Variants in LNPK observed in about 807,000 individuals in gnomAD.
LNPK encodes the protein endoplasmic reticulum junction formation protein lunapark.
A neutral mutation model predicts 55.2 loss-of-function variants in LNPK; 29 were observed. The observed-to-expected ratio is 0.53, with a 90% CI of 0.39 to 0.72. LNPK has a LOEUF of 0.72. LNPK is among the 30% of genes least tolerant of loss of function. The pLI, the probability that LNPK is intolerant of heterozygous loss-of-function variation, is 0.00. For synonymous variants in LNPK, 162 were observed against 168.2 expected (o/e 0.96, Z 0.29); for missense variants, 467 against 494.8 (o/e 0.94, Z 0.53).
In LNPK at chr2:175,951,584, C is replaced by CATATATATATATATATATATATATATAT. The variant is rs56037027; in HGVS notation, c.494-3893_494-3892insATATATATATATATATATATATATATAT. On this transcript the variant is annotated intron_variant, in intron 8 of 12. Transcript: ENST00000272748. ...TATGGCTGAGTAGTATTCCATCATT[C>CATATATATATATATATATATATATATAT]ATATATATATATATATATATATATA... Among the ~76,000 whole-genome samples, 228 of 90,420 alleles carry CATATATATATATATATATATATATATAT rather than the reference C, an allele frequency of 2.5e-3. 1 individual carries two copies. The highest frequency in any genetic ancestry group is 5.5e-3 in the South Asian group (19 of 3,450). The allele number at this position is 90,420 out of a possible 152,430, so 59.3% of individuals were successfully genotyped here.
chr2:175,991,420 TACATAC>T (rs1687695894), intron 4 of LNPK, among the ~76,000 whole-genome samples: 1 of 152,212 alleles, frequency 6.6e-6, no homozygotes, highest in African/African-American at 2.4e-5. Context: ...CTCTTGTAGC[TACATAC>T]GAACTTATAA....
At chr2:175,939,738 T>C (rs1684726920) in intron 9 of LNPK, 81 bp from the exon 10 acceptor site, 4 of 616,952 alleles carry the variant, frequency 6.5e-6, no homozygotes, top group Non-Finnish European at 1.1e-5. Context: ...GAACTACCTA[T>C]ACTTGTTAGA....
chr2:175,953,044 G>GC (rs1685499091), intron 8 of LNPK, among the ~76,000 whole-genome samples: 1 of 152,108 alleles, frequency 6.6e-6, no homozygotes, highest in Admixed American at 6.6e-5. Flanking sequence ...AAGAGATGGA[G>GC]CCAGGATTCA....
Position 176,002,225 on chromosome 2 carries a change from G to C in LNPK, c.-128C>G, listed in dbSNP as rs748482806. 4 of 451,970 alleles carry C rather than the reference G, an allele frequency of 8.9e-6. No individual in the cohort carries two copies. Among genetic ancestry groups the C allele is most frequent in the Non-Finnish European group, 1.8e-5 (4 of 225,814 alleles). 28.0% of individuals were successfully genotyped at this position (451,970 alleles called of 1,614,324 possible). A position where few individuals can be genotyped will look rare whatever the true frequency, so the allele number is the denominator to read the frequency against. The stretch of plus-strand genomic sequence containing the variant: ...CGCCAGTCTCGGCCGCCACCGCCCA[G>C]CCTGCCTCCAGAGCAGGCAGCAGCC... On this transcript the variant is annotated 5_prime_UTR_variant, in exon 1 of 13. Coordinates refer to ENST00000272748, the MANE Select transcript of LNPK (RefSeq NM_030650.3).
At chr2:175,933,953 G>A (rs955678885) in intron 12 of LNPK, among the ~76,000 whole-genome samples, 14 of 152,002 alleles carry the variant, frequency 9.2e-5, no homozygotes, top group African/African-American at 7.2e-5. Flanking sequence ...GGCTGGTCTC[G>A]AACTGACCTT....
rs1189944551 is a variant in LNPK at position 175,923,985 on chromosome 2, TTTAC to T, written c.*5978_*5981del. On this transcript the variant is annotated 3_prime_UTR_variant, in exon 13 of 13. Transcript: ENST00000272748. ...TGTCTACATTCAGAGCCTGAATATA[TTTAC>T]TTATTGACCAGTAGAATGCATACAC... 1.3e-5 allele frequency: 2 copies of T among 152,212 alleles called. No individual in the cohort carries two copies. Among genetic ancestry groups the T allele is most frequent in the African/African-American group, 4.8e-5 (2 of 41,466 alleles). 9.4% of individuals were successfully genotyped at this position (152,212 alleles called of 1,614,324 possible). A position where few individuals can be genotyped will look rare whatever the true frequency, so the allele number is the denominator to read the frequency against.
intron 8 of LNPK, among the ~76,000 whole-genome samples, chr2:175,961,068 C>G (rs896553888): frequency 6.6e-6 from 1 of 151,618 alleles, no homozygotes; most frequent in Non-Finnish European, 1.5e-5. Context: ...GCAATAATAG[C>G]CTACCAACCA....
chr2:175,929,101 A>G lies in LNPK; in HGVS notation c.*866T>C. ...CAAGATACTGTTTGAAGAAGACTAGATATTTAGCAAAATGAAACTGATGCC... is the reference window on the plus strand; with the variant it reads ...CAAGATACTGTTTGAAGAAGACTAGGTATTTAGCAAAATGAAACTGATGCC... On this transcript the variant is annotated 3_prime_UTR_variant, in exon 13 of 13. Transcript: ENST00000272748. 1.0e-6 allele frequency: 1 copy of G among 985,402 alleles called. No homozygotes were observed. 61.0% of individuals were successfully genotyped at this position (985,402 alleles called of 1,614,324 possible). A position where few individuals can be genotyped will look rare whatever the true frequency, so the allele number is the denominator to read the frequency against.
At chr2:175,935,070 A>G (rs1232713049) in intron 12 of LNPK, among the ~76,000 whole-genome samples, 1 of 151,964 alleles carries the variant, frequency 6.6e-6, no homozygotes, top group South Asian at 2.1e-4. Context: ...TCCTTACATC[A>G]CAGATTGAAA....
At chr2:176,002,398 G>C, upstream of LNPK, 1 of 355,366 alleles carries the variant, frequency 2.8e-6, no homozygotes, top group South Asian at 2.1e-5. Flanking sequence ...CGGGTCGGCC[G>C]GGAGGTTAGG....
chr2:175,983,718 C>CA (rs1319016934), intron 4 of LNPK, among the ~76,000 whole-genome samples: 4 of 150,820 alleles, frequency 2.7e-5, no homozygotes, highest in African/African-American at 9.8e-5. Flanking sequence ...CAAATGCAAA[C>CA]AAAACAAGGG....
intron 8 of LNPK, among the ~76,000 whole-genome samples, chr2:175,951,760 A>T (rs1332522975): frequency 1.3e-5 from 2 of 151,656 alleles, no homozygotes; most frequent in African/African-American, 4.8e-5. Context: ...CCATAGTGGG[A>T]TTGCTGGATC....
intron 6 of LNPK, among the ~76,000 whole-genome samples, chr2:175,969,099 CA>C (rs1323213298): frequency 6.6e-6 from 1 of 151,162 alleles, no homozygotes; most frequent in Non-Finnish European, 1.5e-5. Flanking sequence ...GTCAAGATCA[CA>C]AACTAGTTCG....
intron 1 of LNPK, among the ~76,000 whole-genome samples, chr2:175,998,967 A>T (rs1368446049): frequency 6.6e-6 from 1 of 152,202 alleles, no homozygotes; most frequent in Non-Finnish European, 1.5e-5. Flanking sequence ...AACAATCTAC[A>T]TCTTAGCCTC....
chr2:175,932,824 C>T (rs1031704797), intron 12 of LNPK, among the ~76,000 whole-genome samples: 2 of 152,072 alleles, frequency 1.3e-5, no homozygotes, highest in Non-Finnish European at 2.9e-5. Flanking sequence ...AAATTTCTTC[C>T]ATGAAGTTGT....
At chr2:175,987,225 T>C (rs1462321218) in intron 4 of LNPK, among the ~76,000 whole-genome samples, 1 of 152,146 alleles carries the variant, frequency 6.6e-6, no homozygotes, top group Non-Finnish European at 1.5e-5. Context: ...CAAGCACACG[T>C]ATGTTTATTG....
At chr2:175,968,353 C>T (rs1686477316) in intron 6 of LNPK, among the ~76,000 whole-genome samples, 1 of 152,154 alleles carries the variant, frequency 6.6e-6, no homozygotes, top group Admixed American at 6.5e-5. Flanking sequence ...CTGGAAATTA[C>T]CACATAGGAC....
intron 4 of LNPK, among the ~76,000 whole-genome samples, chr2:175,983,372 C>T (rs942107905): frequency 1.3e-5 from 2 of 152,134 alleles, no homozygotes; most frequent in Non-Finnish European, 2.9e-5. Context: ...AATTCACACA[C>T]AAAATCCTGA....
At position 175,930,025 on chromosome 2, in the gene LNPK, G is replaced by A. The variant is rs770298552; in HGVS notation, c.1229C>T (p.Pro410Leu). The change falls in exon 13 of 13, where the codon CCT becomes CTT. Residue 410 changes from proline (P) to leucine (L), a missense_variant. By Grantham distance (98) the Pro-to-Leu change is moderately conservative (BLOSUM62 -3). Transcript: ENST00000272748. Reference sequence around the variant, plus strand: ...AGGATCAGGAATAGAATCAGCTCCAGGAACTGTGGAGTTGGTTTCAATCAC... The same window carrying A: ...AGGATCAGGAATAGAATCAGCTCCAAGAACTGTGGAGTTGGTTTCAATCAC... ...ASVIETNSTVPGADSIPDPEL... is the reference protein window; with the variant it reads ...ASVIETNSTVLGADSIPDPEL... The A allele has an allele frequency of 5.6e-6, 9 of 1,613,998 alleles. No homozygotes were observed. The highest frequency in any genetic ancestry group is 6.8e-6 in the Non-Finnish European group (8 of 1,179,934).
Sources: gnomAD v4.1 joint callset for allele counts (sites outside exome capture counted in the v4.1 genomes callset) on GRCh38, gnomAD v4.1.1 for gene constraint, MANE v1.5 for transcripts, NCBI Gene and HGNC (gene_info 2026-07-23, HGNC 2026-07-21) for gene names.